ERICH1: variants seen among roughly 807,000 people sequenced by gnomAD.
ERICH1 encodes glutamate rich 1.
ERICH1 carries 56 observed loss-of-function variants against 39.6 expected under a neutral mutation model. The observed-to-expected ratio is 1.41, with a 90% CI of 1.14 to 1.77. The LOEUF is 1.77. Ranked by LOEUF, ERICH1 falls within the 40% of genes most tolerant of loss-of-function variation. ERICH1 has a pLI of 0.00. For synonymous variants in ERICH1, 313 were observed against 223.6 expected, an observed-to-expected ratio of 1.40 and a Z score of -3.57; for missense variants, 826 against 575.4, an observed-to-expected ratio of 1.44 and a Z score of -4.45.
At chr8:719,457 G>C (rs933701501) in intron 1 of ERICH1, among the ~76,000 whole-genome samples, 3 of 152,274 alleles carry the variant, frequency 2.0e-5, no homozygotes, top group Non-Finnish European at 2.9e-5. Flanking sequence ...ACATCTGGCT[G>C]AGATGCTTCT....
At chr8:718,146 C>T (rs555805885) in intron 1 of ERICH1, among the ~76,000 whole-genome samples, 6 of 151,582 alleles carry the variant, frequency 4.0e-5, no homozygotes, top group African/African-American at 7.3e-5. Flanking sequence ...GGGTACAGAT[C>T]GGAGCGCACG....
chr8:668,542 C>T (rs754978347), intron 5 of ERICH1, 56 bp downstream of exon 5: 21 of 1,603,112 alleles, frequency 1.3e-5, no homozygotes, highest in East Asian at 2.2e-5. Flanking sequence ...CTTTCAGAGG[C>T]AAACCTCGAT....
chr8:724,710 A>G (rs1818171522), intron 1 of ERICH1, among the ~76,000 whole-genome samples: 1 of 152,232 alleles, frequency 6.6e-6, no homozygotes, highest in African/African-American at 2.4e-5. Flanking sequence ...CACTTTCATT[A>G]AACATTGGCT....
In ERICH1 at chr8:673,811, C is replaced by G; in HGVS notation, c.541G>C (p.Ala181Pro). The change falls in exon 4 of 6, where the codon GCA becomes CCA. Residue 181 changes from alanine to proline, a missense_variant. Coordinates refer to ENST00000262109, the MANE Select transcript of ERICH1 (RefSeq NM_207332.3). ...IKRKKAAGLA[A>P]KAAGVSFMYQ... The stretch of plus-strand genomic sequence containing the variant: ...ATGAAACTGACACCAGCAGCCTTTG[C>G]TGCCAAGCCGGCTGCTTTCTTCCTT... 6.2e-7 allele frequency: 1 copy of G among 1,614,176 alleles called. No individual in the cohort carries two copies.
intron 3 of ERICH1, among the ~76,000 whole-genome samples, chr8:624,839 G>A (rs1438109498): frequency 2.6e-5 from 4 of 152,048 alleles, no homozygotes; most frequent in East Asian, 1.9e-4. Flanking sequence ...CCATTCTCCT[G>A]CCTCAGCCTC....
rs985402339 is a variant in ERICH1, at chr8:685,622, GAACT to G, written c.304+6852_304+6855del. On this transcript the variant is annotated intron_variant, in intron 3 of 5. Transcript: ENST00000262109. ...GAAATTATAAAAGTATTAATTTGGA[GAACT>G]AACAAATGTCCATGAAATCTTCACA... Among the ~76,000 whole-genome samples the G allele has an allele frequency of 4.8e-4, 73 of 152,288 alleles. No homozygotes were observed. The Middle Eastern group carries it at 0.02, about 43-fold the overall frequency.
intron 1 of ERICH1, among the ~76,000 whole-genome samples, chr8:727,719 C>G (rs1314316030): frequency 6.6e-6 from 1 of 152,198 alleles, no homozygotes; most frequent in South Asian, 2.1e-4. Flanking sequence ...GTGGCCTTCC[C>G]TACAGAAGGC....
chr8:635,309 GC>G (rs1404956555), intron 3 of ERICH1, among the ~76,000 whole-genome samples: 7 of 152,160 alleles, frequency 4.6e-5, no homozygotes, highest in Non-Finnish European at 2.9e-5. Flanking sequence ...CTGTGATGGA[GC>G]CCCCCACACG....
intron 3 of ERICH1, among the ~76,000 whole-genome samples, chr8:645,992 C>T (rs1291258659): frequency 1.4e-5 from 1 of 69,956 alleles, no homozygotes; most frequent in African/African-American, 3.6e-5. Context: ...TGGCTGCTCT[C>T]GTTTGTCTCC....
Position 665,661 on chromosome 8 carries a change from A to C in ERICH1, c.1259-985T>G, listed in dbSNP as rs187305496. On this transcript the variant is annotated intron_variant, in intron 5 of 5. Coordinates refer to ENST00000262109, the MANE Select transcript of ERICH1 (RefSeq NM_207332.3). The stretch of plus-strand genomic sequence containing the variant: ...TCAGTGCACGGTGGGAGGAACACTC[A>C]GGGAATGGCAGCTACTACTGATAAA... Among the ~76,000 whole-genome samples the C allele has an allele frequency of 1.9e-3, 284 of 152,360 alleles. 1 individual carries two copies. Among genetic ancestry groups the C allele is most frequent in the African/African-American group, 6.5e-3 (270 of 41,596 alleles).
intron 2 of ERICH1, among the ~76,000 whole-genome samples, chr8:712,032 C>G (rs1325919696): frequency 3.3e-5 from 5 of 152,186 alleles, no homozygotes; most frequent in African/African-American, 1.2e-4. Flanking sequence ...AATACGCTGT[C>G]TTGATTACTG....
At chr8:623,142 G>C (rs188132940) in intron 3 of ERICH1, among the ~76,000 whole-genome samples, 32 of 152,174 alleles carry the variant, frequency 2.1e-4, no homozygotes, top group African/African-American at 7.2e-4. Context: ...TATTCCTTAT[G>C]AATATAGACA....
rs751975998 is a variant in ERICH1 at position 731,181 on chromosome 8, C to T, written c.-20G>A. ...CGCCATGCGGGACCCTGCCGCGGACCTCAGACCACGGCGCGCGGTCCTGAG... is the reference window on the plus strand; with the variant it reads ...CGCCATGCGGGACCCTGCCGCGGACTTCAGACCACGGCGCGCGGTCCTGAG... On this transcript the variant is annotated 5_prime_UTR_variant, in exon 1 of 6. Coordinates refer to ENST00000262109, the MANE Select transcript of ERICH1 (RefSeq NM_207332.3). 3.7e-5 allele frequency: 55 copies of T among 1,500,604 alleles called. No individual in the cohort carries two copies. Among genetic ancestry groups the T allele is most frequent in the Admixed American group, 1.9e-4 (9 of 47,450 alleles). 93.0% of individuals were successfully genotyped at this position (1,500,604 alleles called of 1,614,324 possible).
chr8:657,391 C>G (rs2131717074), intron 3 of ERICH1, among the ~76,000 whole-genome samples: 1 of 151,990 alleles, frequency 6.6e-6, no homozygotes, highest in Non-Finnish European at 1.5e-5. Flanking sequence ...GGGAGGTTAT[C>G]TCGGGGTTGG....
At chr8:630,809 CCA>C (rs1797969240) in intron 3 of ERICH1, among the ~76,000 whole-genome samples, 3 of 148,670 alleles carry the variant, frequency 2.0e-5, no homozygotes, top group Non-Finnish European at 4.5e-5. Context: ...CCGTGACCAC[CCA>C]CACAGACAGA....
chr8:680,825 T>A (rs1805956200), intron 3 of ERICH1, among the ~76,000 whole-genome samples: 1 of 152,332 alleles, frequency 6.6e-6, no homozygotes, highest in East Asian at 1.9e-4. Flanking sequence ...ATCGCCCCGC[T>A]GCCCCAGTTC....
chr8:614,882 G>C lies in ERICH1; in HGVS notation c.*341C>G, dbSNP rs959245. 1,602 of 220,476 alleles carry C rather than the reference G, an allele frequency of 7.3e-3. 9 individuals carry two copies. The highest frequency in any genetic ancestry group is 0.011 in the Non-Finnish European group (1,224 of 113,740). The allele number at this position is 220,476 out of a possible 1,614,324, so 13.7% of individuals were successfully genotyped here. A position where few individuals can be genotyped will look rare whatever the true frequency, so the allele number is the denominator to read the frequency against. On this transcript the variant is annotated 3_prime_UTR_variant, in exon 4 of 4. Transcript: ENST00000522706. Reference sequence around the variant, plus strand: ...AAGTTGGATGGGAACAACCCACCCAGCCAATTAGGTTCCTCAGTTGCATGA... The same window carrying C: ...AAGTTGGATGGGAACAACCCACCCACCCAATTAGGTTCCTCAGTTGCATGA...
At chr8:628,565 G>C (rs549547956) in intron 3 of ERICH1, among the ~76,000 whole-genome samples, 1 of 152,340 alleles carries the variant, frequency 6.6e-6, no homozygotes, top group East Asian at 1.9e-4. Flanking sequence ...GGACCCGAGA[G>C]GACTCCCTGG....
intron 3 of ERICH1, among the ~76,000 whole-genome samples, chr8:682,696 C>T (rs1224012102): frequency 6.6e-6 from 1 of 152,236 alleles, no homozygotes; most frequent in Non-Finnish European, 1.5e-5. Flanking sequence ...TGTGTCAAAA[C>T]TCTCTCTGCT....
Sources: allele counts gnomAD v4.1 joint callset (sites outside exome capture counted in the v4.1 genomes callset), GRCh38; gene constraint gnomAD v4.1.1; transcripts MANE v1.5; gene names NCBI Gene and HGNC (gene_info 2026-07-23, HGNC 2026-07-21).